The following IDE variants were observed in gnomAD, a reference collection of about 807,000 sequenced individuals.
The protein encoded by IDE is insulin degrading enzyme, also known as insulin-degrading enzyme.
In IDE, 58 loss-of-function variants were observed where a neutral mutation model predicts 133.2. The observed-to-expected ratio is 0.44, with a 90% CI of 0.35 to 0.54. The LOEUF (loss-of-function observed/expected upper bound fraction) is 0.54. Among genes scored for constraint, IDE ranks in the 20% least tolerant of loss-of-function variants. The probability of loss-of-function intolerance (pLI) is 0.00; values close to 1 mark genes in which losing one functional copy is unlikely to be tolerated. For synonymous variants in IDE, 396 were observed against 421.3 expected (o/e 0.94, Z 0.73); for missense variants, 981 against 1,234.0 (o/e 0.79, Z 3.07).
chr10:92,465,641 T>C (rs758973226), intron 20 of IDE, 35 bp downstream of exon 20: 1 of 1,574,918 alleles, frequency 6.3e-7, no homozygotes, highest in South Asian at 1.1e-5. Context: ...CATCAAAGTC[T>C]ACAGTACCCT....
At chr10:92,476,820 G>A (rs961361289) in intron 15 of IDE, among the ~76,000 whole-genome samples, 15 of 152,190 alleles carry the variant, frequency 9.9e-5, no homozygotes, top group Admixed American at 6.5e-4. Flanking sequence ...GCAGACTTAA[G>A]GTTTCTACAG....
chr10:92,537,418 A>C lies in IDE; in HGVS notation c.231T>G (p.Leu77=). 1.2e-6 allele frequency: 2 copies of C among 1,613,848 alleles called. No individual in the cohort carries two copies. The highest frequency in any genetic ancestry group is 1.7e-6 in the Non-Finnish European group (2 of 1,179,946). Residue 77 remains leucine, a synonymous_variant, in exon 2 of 25, where the codon CTT becomes CTG. Transcript: ENST00000265986. ...LELANGIKVL[L]ISDPTTDKSS... is the part of the protein sequence containing the mutation. ...ACTTATCCGTGGTGGGATCACTGAT[A>C]AGAAGTACTTTGATACCATTGGCCA...
intron 5 of IDE, among the ~76,000 whole-genome samples, chr10:92,511,395 G>C (rs1848622946): frequency 6.6e-6 from 1 of 152,076 alleles, no homozygotes; most frequent in Admixed American, 6.6e-5. Flanking sequence ...GAGCCACCAT[G>C]CCTGGCCAAA....
intron 1 of IDE, among the ~76,000 whole-genome samples, chr10:92,560,518 C>T (rs970838789): frequency 2.0e-5 from 3 of 152,162 alleles, no homozygotes; most frequent in African/African-American, 7.2e-5. Flanking sequence ...CATGGTGGCT[C>T]ACACCTGTAA....
chr10:92,560,599 A>C (rs116852298), intron 1 of IDE, among the ~76,000 whole-genome samples: 3,170 of 152,012 alleles, frequency 0.021, 50 homozygotes, highest in Admixed American at 0.052. Context: ...CCTGTTCAAC[A>C]AGGGGAAACC....
At chr10:92,491,461 A>T (rs1358056253) in intron 11 of IDE, among the ~76,000 whole-genome samples, 1 of 152,102 alleles carries the variant, frequency 6.6e-6, no homozygotes, top group African/African-American at 2.4e-5. Context: ...ACAAATACAC[A>T]GGCCTTCCTG....
At chr10:92,495,630 C>T (rs1333649430) in intron 11 of IDE, among the ~76,000 whole-genome samples, 8 of 152,196 alleles carry the variant, frequency 5.3e-5, no homozygotes, top group Admixed American at 2.6e-4. Context: ...GGACTACAGG[C>T]GTGAGCCACC....
intron 13 of IDE, among the ~76,000 whole-genome samples, chr10:92,486,512 T>C (rs1294934718): frequency 6.6e-6 from 1 of 152,128 alleles, no homozygotes; most frequent in African/African-American, 2.4e-5. Context: ...AACATCTGTG[T>C]GTGTGTGCCT....
intron 1 of IDE, among the ~76,000 whole-genome samples, chr10:92,550,883 AAAAAT>A (rs1024110357): frequency 2.0e-5 from 3 of 152,120 alleles, no homozygotes; most frequent in Non-Finnish European, 4.4e-5. Flanking sequence ...AATAATATTA[AAAAAT>A]AAAATAGAAT....
intron 11 of IDE, among the ~76,000 whole-genome samples, chr10:92,501,362 T>TAAAA (rs55861862): frequency 3.6e-4 from 7 of 19,234 alleles, no homozygotes; most frequent in African/African-American, 5.1e-4. Context: ...ACTCTGTCAT[T>TAAAA]AAAAAAAAAA....
chr10:92,469,327 A>G (rs955779663), intron 18 of IDE, among the ~76,000 whole-genome samples: 1 of 152,206 alleles, frequency 6.6e-6, no homozygotes, highest in Non-Finnish European at 1.5e-5. Context: ...TATTGTAGGT[A>G]AAATGACCTT....
intron 11 of IDE, chr10:92,497,848 A>G (rs373550631): frequency 1.3e-4 from 27 of 209,980 alleles, no homozygotes; most frequent in African/African-American, 5.2e-4. Context: ...ATTGCATAAG[A>G]TATCAAATTT....
At chr10:92,468,835 A>C (rs2135365162) in intron 19 of IDE, 44 bp downstream of exon 19, 2 of 1,008,874 alleles carry the variant, frequency 2.0e-6, no homozygotes, top group East Asian at 4.8e-5. Context: ...CCACACTGTT[A>C]TGTCAAAATA....
intron 21 of IDE, 39 bp from the exon 22 acceptor site, chr10:92,461,291 A>G: frequency 2.0e-6 from 2 of 1,002,740 alleles, no homozygotes. Context: ...TAACATTTTC[A>G]TATGAAGCAG....
chr10:92,562,656 G>A (rs1418297229), intron 1 of IDE, among the ~76,000 whole-genome samples: 1 of 151,990 alleles, frequency 6.6e-6, no homozygotes, highest in Admixed American at 6.6e-5. Flanking sequence ...TGGACCAAAT[G>A]TTATCCAACA....
At chr10:92,487,142 C>T in intron 13 of IDE, 54 bp downstream of exon 13, 26 of 1,535,628 alleles carry the variant, frequency 1.7e-5, no homozygotes, top group Non-Finnish European at 2.3e-5. Flanking sequence ...TACCCAGTCC[C>T]CCATGTATTA....
intron 1 of IDE, among the ~76,000 whole-genome samples, chr10:92,571,727 C>T (rs1843795905): frequency 6.6e-6 from 1 of 152,172 alleles, no homozygotes; most frequent in South Asian, 2.1e-4. Flanking sequence ...AAATGAATGC[C>T]CAAATACCAG....
chr10:92,511,260 C>T (rs902348118), intron 5 of IDE, among the ~76,000 whole-genome samples: 5 of 151,876 alleles, frequency 3.3e-5, no homozygotes, highest in Non-Finnish European at 2.9e-5. Context: ...TGCCACCACA[C>T]CCTGTTAGTT....
At chr10:92,567,652 C>T (rs1310301602) in intron 1 of IDE, among the ~76,000 whole-genome samples, 1 of 152,144 alleles carries the variant, frequency 6.6e-6, no homozygotes, top group Admixed American at 6.5e-5. Flanking sequence ...TACTTTTGAA[C>T]CTTTGCTAAT....
Sources: gnomAD v4.1 joint callset for allele counts (sites outside exome capture counted in the v4.1 genomes callset) on GRCh38, gnomAD v4.1.1 for gene constraint, MANE v1.5 for transcripts, NCBI Gene and HGNC (gene_info 2026-07-23, HGNC 2026-07-21) for gene names.